Variants in HCN1 observed in about 807,000 individuals in gnomAD.
HCN1 encodes hyperpolarization activated cyclic nucleotide gated potassium channel 1.
A neutral mutation model predicts 78.9 loss-of-function variants in HCN1; 13 were observed. The observed-to-expected ratio is 0.16, with a 90% CI of 0.11 to 0.26. The LOEUF (loss-of-function observed/expected upper bound fraction) is 0.26. Ranked by LOEUF, HCN1 falls within the 10% of genes least tolerant of loss-of-function variation. HCN1 has a pLI of 1.00. For missense variants in HCN1, 810 were observed against 1,154.3 expected, an observed-to-expected ratio of 0.70 and a Z score of 4.32; for synonymous variants, 552 against 455.5, an observed-to-expected ratio of 1.21 and a Z score of -2.70.
intron 3 of HCN1, among the ~76,000 whole-genome samples, chr5:45,446,213 G>A (rs1159004408): frequency 2.6e-5 from 4 of 152,314 alleles, no homozygotes; most frequent in South Asian, 2.1e-4. Flanking sequence ...GGAGCTGAAA[G>A]CCAAGGCTCG....
chr5:45,320,597 C>T (rs1746105260), intron 5 of HCN1, among the ~76,000 whole-genome samples: 1 of 151,742 alleles, frequency 6.6e-6, no homozygotes, highest in Non-Finnish European at 1.5e-5. Context: ...CTATGGTATC[C>T]CAGGGCAGCC....
At chr5:45,589,838 CAGTT>C (rs1326848860) in intron 2 of HCN1, among the ~76,000 whole-genome samples, 1 of 152,102 alleles carries the variant, frequency 6.6e-6, no homozygotes, top group Non-Finnish European at 1.5e-5. Context: ...AATAATGTGA[CAGTT>C]AGACAAGTTG....
intron 2 of HCN1, among the ~76,000 whole-genome samples, chr5:45,548,931 A>G (rs1743293237): frequency 6.6e-6 from 1 of 151,404 alleles, no homozygotes; most frequent in Admixed American, 6.6e-5. Flanking sequence ...TAGGAATCCA[A>G]CTTACAAGGG....
chr5:45,285,965 G>A (rs973261888), intron 6 of HCN1, among the ~76,000 whole-genome samples: 2 of 151,574 alleles, frequency 1.3e-5, no homozygotes, highest in African/African-American at 4.9e-5. Context: ...TTATAGTTTG[G>A]GGAGACAAAC....
At chr5:45,336,218 C>T (rs1746451944) in intron 5 of HCN1, among the ~76,000 whole-genome samples, 1 of 151,952 alleles carries the variant, frequency 6.6e-6, no homozygotes, top group Non-Finnish European at 1.5e-5. Context: ...TTTGCAGACT[C>T]ATACATTTGA....
At chr5:45,633,927 A>G (rs1458049664) in intron 2 of HCN1, among the ~76,000 whole-genome samples, 2 of 151,986 alleles carry the variant, frequency 1.3e-5, no homozygotes, top group African/African-American at 4.8e-5. Context: ...CTTTCAAGCC[A>G]TTGAAAATGT....
At chr5:45,553,773 C>T (rs977385300) in intron 2 of HCN1, among the ~76,000 whole-genome samples, 1 of 151,812 alleles carries the variant, frequency 6.6e-6, no homozygotes, top group Non-Finnish European at 1.5e-5. Context: ...AGTTGTTATA[C>T]TACATTTTTA....
At chr5:45,330,256 T>C (rs1314463350) in intron 5 of HCN1, among the ~76,000 whole-genome samples, 1 of 151,212 alleles carries the variant, frequency 6.6e-6, no homozygotes, top group African/African-American at 2.4e-5. Context: ...ACATAAATAT[T>C]TGGGGAGTTA....
chr5:45,374,059 A>ATATG (rs1747521115), intron 4 of HCN1, among the ~76,000 whole-genome samples: 10 of 92,930 alleles, frequency 1.1e-4, no homozygotes, highest in African/African-American at 3.6e-4. Context: ...TATATATTAT[A>ATATG]TATATAATAT....
intron 2 of HCN1, among the ~76,000 whole-genome samples, chr5:45,639,390 A>G (rs1173003818): frequency 6.6e-6 from 1 of 152,222 alleles, no homozygotes; most frequent in African/African-American, 2.4e-5. Flanking sequence ...CAGAAATATC[A>G]GTTTAAATAT....
intron 5 of HCN1, among the ~76,000 whole-genome samples, chr5:45,346,336 G>T (rs1484284127): frequency 1.3e-5 from 2 of 152,214 alleles, no homozygotes; most frequent in East Asian, 3.9e-4. Flanking sequence ...GGCAGTAAAA[G>T]AAAGGAGAGG....
At chr5:45,326,087 C>A (rs936802324) in intron 5 of HCN1, among the ~76,000 whole-genome samples, 1 of 151,454 alleles carries the variant, frequency 6.6e-6, no homozygotes, top group Non-Finnish European at 1.5e-5. Context: ...AATTACCAAA[C>A]TGTATTTTTA....
chr5:45,333,190 G>T (rs1746381311), intron 5 of HCN1, among the ~76,000 whole-genome samples: 1 of 151,504 alleles, frequency 6.6e-6, no homozygotes, highest in Non-Finnish European at 1.5e-5. Flanking sequence ...TTTAACTTGG[G>T]TAGATGATAT....
intron 3 of HCN1, among the ~76,000 whole-genome samples, chr5:45,408,463 T>A (rs1324111297): frequency 6.6e-6 from 1 of 152,162 alleles, no homozygotes; most frequent in Non-Finnish European, 1.5e-5. Flanking sequence ...GTCAACATGC[T>A]GTAGAGGTTT....
intron 1 of HCN1, among the ~76,000 whole-genome samples, chr5:45,652,722 A>T (rs1745698308): frequency 6.6e-6 from 1 of 151,936 alleles, no homozygotes; most frequent in Non-Finnish European, 1.5e-5. Context: ...GTCTCAAAAT[A>T]ATTCACCTGA....
chr5:45,293,944 C>T (rs1001282739), intron 6 of HCN1, among the ~76,000 whole-genome samples: 5 of 151,630 alleles, frequency 3.3e-5, no homozygotes, highest in African/African-American at 9.7e-5. Flanking sequence ...AAGAGGATAA[C>T]GAATGAGGAA....
At chr5:45,649,236 G>T (rs1745631328) in intron 1 of HCN1, among the ~76,000 whole-genome samples, 1 of 152,068 alleles carries the variant, frequency 6.6e-6, no homozygotes, top group Non-Finnish European at 1.5e-5. Context: ...GTGAGTGTGT[G>T]TTTTATTTTT....
chr5:45,525,565 A>C (rs1305044105), intron 2 of HCN1, among the ~76,000 whole-genome samples: 3 of 151,994 alleles, frequency 2.0e-5, no homozygotes, highest in African/African-American at 7.2e-5. Context: ...ATAAGAACAA[A>C]ATAGGGAGTA....
rs142567702 is a variant in HCN1, at chr5:45,487,997, G to C, written c.850-25990C>G. Among the ~76,000 whole-genome samples the C allele has an allele frequency of 5.6e-4, 85 of 152,104 alleles. 1 individual carries two copies. The highest frequency in any genetic ancestry group is 1.8e-3 in the African/African-American group (76 of 41,526). On this transcript the variant is annotated intron_variant, in intron 2 of 7. Transcript: ENST00000303230. Reference sequence around the variant, plus strand: ...ACTACACTGTGAATATAGTAATCTTGACTAGAGAGTATACAACGTGTATTA... The same window carrying C: ...ACTACACTGTGAATATAGTAATCTTCACTAGAGAGTATACAACGTGTATTA...
Sources: gnomAD v4.1 joint callset for allele counts (sites outside exome capture counted in the v4.1 genomes callset) on GRCh38, gnomAD v4.1.1 for gene constraint, MANE v1.5 for transcripts, NCBI Gene and HGNC (gene_info 2026-07-23, HGNC 2026-07-21) for gene names.